Variants in LITAF observed in about 807,000 individuals in gnomAD.
LITAF encodes the protein lipopolysaccharide-induced tumor necrosis factor-alpha factor.
In LITAF, 9 loss-of-function variants were observed where a neutral mutation model predicts 14.5. The observed-to-expected ratio is 0.62, with a 90% CI of 0.37 to 1.08. The LOEUF (loss-of-function observed/expected upper bound fraction) is 1.08, where lower values mean the gene tolerates loss of function less well. Among genes scored for constraint, LITAF ranks in the 50% least tolerant of loss-of-function variants. LITAF has a pLI of 0.01. For missense variants in LITAF, 206 were observed against 213.4 expected (o/e 0.97, Z 0.22); for synonymous variants, 98 against 88.2 (o/e 1.11, Z -0.62).
intron 3 of LITAF, among the ~76,000 whole-genome samples, chr16:11,610,794 C>CA (rs2064978312): frequency 2.6e-5 from 4 of 152,220 alleles, no homozygotes; most frequent in Middle Eastern, 3.4e-3. Context: ...TTCAAGGCAA[C>CA]CTGTAATGTA....
intron 3 of LITAF, among the ~76,000 whole-genome samples, chr16:11,613,292 G>C (rs1447460874): frequency 1.3e-5 from 2 of 152,140 alleles, no homozygotes; most frequent in South Asian, 4.1e-4. Flanking sequence ...TCTAGTTTTT[G>C]TTTCCACTTC....
At position 11,586,266 on chromosome 16, in the gene LITAF, G is replaced by C. The variant is rs1213623645; in HGVS notation, c.-6+620C>G. On this transcript the variant is annotated intron_variant, in intron 1 of 3. Coordinates refer to ENST00000622633, the MANE Select transcript of LITAF (RefSeq NM_001136472.2). This position sits in a 1 kb window ranked among gnomAD's most constrained non-coding sequence, Gnocchi z 6.5. Reference sequence around the variant, plus strand: ...CCCCGCGGGGAGGGGTCAGGCCTAGGGGCCACGGCCCGCTTCGCTCTCTGA... The same window carrying C: ...CCCCGCGGGGAGGGGTCAGGCCTAGCGGCCACGGCCCGCTTCGCTCTCTGA... 3.3e-5 allele frequency: 5 copies of C among 152,230 alleles called. No individual in the cohort carries two copies. Among genetic ancestry groups the C allele is most frequent in the Non-Finnish European group, 7.3e-5 (5 of 68,076 alleles). 9.4% of individuals were successfully genotyped at this position (152,230 alleles called of 1,614,324 possible). A position where few individuals can be genotyped will look rare whatever the true frequency, so the allele number is the denominator to read the frequency against.
chr16:11,604,644 TA>T (rs67633068), intron 3 of LITAF, among the ~76,000 whole-genome samples: 54,335 of 127,730 alleles, frequency 0.43, 11,620 homozygotes, highest in African/African-American at 0.55. Flanking sequence ...CTGTCTCTCT[TA>T]AAAAAAAAAA....
intron 1 of LITAF, among the ~76,000 whole-genome samples, chr16:11,595,313 GTGGCCTGGCCCTGACCC>G (rs2141855947): frequency 6.6e-6 from 1 of 152,338 alleles, no homozygotes; most frequent in Admixed American, 6.5e-5. Context: ...TTCTGGCTCA[GTGGCCTGGCCCTGACCC>G]TGGCCAAACG....
In LITAF at chr16:11,628,621, A is replaced by G. The variant is rs139659535; in HGVS notation, c.85+4912T>C. Reference sequence around the variant, plus strand: ...TAGGGTCAAGGGATCTTCCCGCCTTAGCCTCCAAGTAGCTGGGATTACAGG... The same window carrying G: ...TAGGGTCAAGGGATCTTCCCGCCTTGGCCTCCAAGTAGCTGGGATTACAGG... On this transcript the variant is annotated intron_variant, in intron 3 of 3. Transcript: ENST00000574848. 1.6e-4 allele frequency among the ~76,000 whole-genome samples: 25 copies of G among 152,094 alleles called. No homozygotes were observed. In the East Asian group the frequency reaches 4.1e-3, roughly 25 times the overall value.
chr16:11,549,976 G>C lies in LITAF; in HGVS notation c.378-231C>G, dbSNP rs1257187133. Among the ~76,000 whole-genome samples, 1 of 152,210 alleles carries C rather than the reference G, an allele frequency of 6.6e-6. No individual in the cohort carries two copies. The highest frequency in any genetic ancestry group is 2.4e-5 in the African/African-American group (1 of 41,462). On this transcript the variant is annotated intron_variant, in intron 3 of 3. Transcript: ENST00000622633. This position sits in a 1 kb window ranked among gnomAD's most constrained non-coding sequence, Gnocchi z 4.6. ...CAGAGAGGGCAGAAGGAAATGTGAA[G>C]ACAGAGGCAGAAGCTGGAGTGATGA...
intron 3 of LITAF, among the ~76,000 whole-genome samples, chr16:11,614,456 G>A (rs1597371865): frequency 6.6e-6 from 1 of 151,412 alleles, no homozygotes. Flanking sequence ...CACACCACCA[G>A]GCCCGGCTAA....
chr16:11,584,591 C>T (rs2060362790), intron 1 of LITAF, among the ~76,000 whole-genome samples: 1 of 152,172 alleles, frequency 6.6e-6, no homozygotes, highest in Non-Finnish European at 1.5e-5. Context: ...GAACTATGTC[C>T]TCATGTTCCT....
At chr16:11,604,751 A>G (rs978189614) in intron 3 of LITAF, among the ~76,000 whole-genome samples, 1 of 147,704 alleles carries the variant, frequency 6.8e-6, no homozygotes, top group Non-Finnish European at 1.5e-5. Context: ...TGCTGGGCAC[A>G]TGGCTTTTCT....
intron 1 of LITAF, among the ~76,000 whole-genome samples, chr16:11,577,800 C>A (rs147141125): frequency 3.5e-4 from 54 of 152,276 alleles, no homozygotes; most frequent in Non-Finnish European, 6.6e-4. Flanking sequence ...TCATAGCTTA[C>A]TATGGCCTCA....
intron 1 of LITAF, among the ~76,000 whole-genome samples, chr16:11,574,320 G>T (rs778358706): frequency 2.0e-5 from 3 of 152,110 alleles, no homozygotes; most frequent in Non-Finnish European, 4.4e-5. Context: ...GGCATTACAG[G>T]CATGAGCCAT....
intron 3 of LITAF, among the ~76,000 whole-genome samples, chr16:11,611,236 G>A (rs1418822955): frequency 1.3e-5 from 2 of 152,030 alleles, no homozygotes; most frequent in South Asian, 2.1e-4. Context: ...CCAGCAACTC[G>A]GGAGGCTGAG....
At chr16:11,575,854 AC>A (rs2064624094) in intron 1 of LITAF, among the ~76,000 whole-genome samples, 1 of 151,964 alleles carries the variant, frequency 6.6e-6, no homozygotes, top group South Asian at 2.1e-4. Context: ...AAGTATCTTA[AC>A]CTTTTTCTTT....
At chr16:11,623,589 G>A (rs1037426312) in intron 3 of LITAF, among the ~76,000 whole-genome samples, 1 of 151,900 alleles carries the variant, frequency 6.6e-6, no homozygotes, top group East Asian at 1.9e-4. Flanking sequence ...GAACCCAGGA[G>A]GCAGAGGTTG....
upstream of LITAF, among the ~76,000 whole-genome samples, chr16:11,591,862 T>C (rs901157848): frequency 1.3e-5 from 2 of 152,188 alleles, no homozygotes; most frequent in Non-Finnish European, 2.9e-5. Flanking sequence ...GTGCTGAGAT[T>C]ACAGGCATGA....
chr16:11,579,953 C>T (rs1157606754), intron 1 of LITAF, among the ~76,000 whole-genome samples: 1 of 152,150 alleles, frequency 6.6e-6, no homozygotes, highest in Non-Finnish European at 1.5e-5. Flanking sequence ...GACACAGGAG[C>T]AGCTCTGAAA....
In LITAF at chr16:11,586,359, G is replaced by GA. The variant is rs886051655; in HGVS notation, c.-6+526_-6+527insT. On this transcript the variant is annotated intron_variant, in intron 1 of 3. Coordinates refer to ENST00000622633, the MANE Select transcript of LITAF (RefSeq NM_001136472.2). The surrounding 1 kb of genome is among the most constrained non-coding windows in gnomAD (Gnocchi z 6.5). ...CCCGGATCTTGCGCGAAGTCGCGGG[G>GA]GCAGGGAGAGAAACGCGGGTACCCG... The GA allele has an allele frequency of 2.6e-5, 4 of 152,264 alleles. No homozygotes were observed. The highest frequency in any genetic ancestry group is 5.9e-5 in the Non-Finnish European group (4 of 68,042). The allele number at this position is 152,264 out of a possible 1,614,324, so 9.4% of individuals were successfully genotyped here.
chr16:11,587,796 A>G (rs2064823385), upstream of LITAF, among the ~76,000 whole-genome samples: 1 of 152,152 alleles, frequency 6.6e-6, no homozygotes, highest in African/African-American at 2.4e-5. Flanking sequence ...CTCTCTGGGA[A>G]ATCATTAGAG....
At chr16:11,587,901 A>C (rs757164433), upstream of LITAF, among the ~76,000 whole-genome samples, 1 of 152,194 alleles carries the variant, frequency 6.6e-6, no homozygotes, top group Non-Finnish European at 1.5e-5. Context: ...CCATTTGGAC[A>C]GGGAGCTTCC....
Sources: gnomAD v4.1 joint callset for allele counts (sites outside exome capture counted in the v4.1 genomes callset) on GRCh38, gnomAD v4.1.1 for gene constraint, Gnocchi (gnomAD v3.1) non-coding constraint, MANE v1.5 for transcripts, NCBI Gene and HGNC (gene_info 2026-07-23, HGNC 2026-07-21) for gene names.